Variants in THSD4 observed in about 807,000 individuals in gnomAD.
The protein encoded by THSD4 is thrombospondin type-1 domain-containing protein 4.
In THSD4, 69 loss-of-function variants were observed where a neutral mutation model predicts 119.0. That is an observed-to-expected ratio of 0.58 (90% CI 0.48 to 0.71). The LOEUF (loss-of-function observed/expected upper bound fraction) is 0.71, where lower values mean the gene tolerates loss of function less well. THSD4 is among the 30% of genes least tolerant of loss of function. THSD4 has a pLI of 0.00. For synonymous variants in THSD4, 524 were observed against 540.4 expected (o/e 0.97, Z 0.42); for missense variants, 1,393 against 1,391.1 (o/e 1.00, Z -0.02).
intron 7 of THSD4, among the ~76,000 whole-genome samples, chr15:71,423,356 C>T (rs555359937): frequency 7.2e-5 from 11 of 152,248 alleles, no homozygotes; most frequent in African/African-American, 2.6e-4. Flanking sequence ...ACATGTACTA[C>T]CTGGTTACTG....
intron 6 of THSD4, among the ~76,000 whole-genome samples, chr15:71,404,580 G>T (rs2046579623): frequency 6.6e-6 from 1 of 152,146 alleles, no homozygotes; most frequent in South Asian, 2.1e-4. Context: ...AAATTCAAAT[G>T]CTGGAACCTA....
chr15:71,565,726 A>C (rs915502957), intron 7 of THSD4, among the ~76,000 whole-genome samples: 1 of 152,172 alleles, frequency 6.6e-6, no homozygotes, highest in Non-Finnish European at 1.5e-5. Flanking sequence ...GGAAGGATTA[A>C]CAGGCAGATT....
rs2045257854 is a variant in THSD4 at position 71,320,886 on chromosome 15, C to T, written c.1015+64171C>T. 2.0e-5 allele frequency among the ~76,000 whole-genome samples: 3 copies of T among 152,022 alleles called. 1 individual carries two copies. In the South Asian group the frequency reaches 6.2e-4, roughly 32 times the overall value. ...AAATTGAGCTAGTCTTCAATTGTGT[C>T]TAGCTAGGATTTAATAACATGGTTT... On this transcript the variant is annotated intron_variant, in intron 6 of 17. Coordinates refer to ENST00000261862, the MANE Select transcript of THSD4 (RefSeq NM_024817.3).
At chr15:71,390,788 A>G (rs1168785654) in intron 6 of THSD4, among the ~76,000 whole-genome samples, 4 of 151,948 alleles carry the variant, frequency 2.6e-5, no homozygotes, top group African/African-American at 9.7e-5. Flanking sequence ...TTGGGCTTTC[A>G]AAGAAAATTT....
At chr15:71,669,214 T>C (rs1038259298) in intron 8 of THSD4, among the ~76,000 whole-genome samples, 3 of 152,232 alleles carry the variant, frequency 2.0e-5, no homozygotes, top group African/African-American at 7.2e-5. Flanking sequence ...TATTTGCATT[T>C]TCCTGACCAC....
intron 6 of THSD4, among the ~76,000 whole-genome samples, chr15:71,374,085 G>A (rs1235950081): frequency 6.6e-6 from 1 of 152,200 alleles, no homozygotes; most frequent in Non-Finnish European, 1.5e-5. Flanking sequence ...TGGAACAGCT[G>A]AGCATGGGCT....
At chr15:71,503,509 A>G (rs1022418825) in intron 7 of THSD4, among the ~76,000 whole-genome samples, 2 of 152,110 alleles carry the variant, frequency 1.3e-5, no homozygotes, top group Admixed American at 6.5e-5. Flanking sequence ...TTCCCAGCCC[A>G]CCCTTTAGGA....
At chr15:71,647,239 G>T (rs1470424810) in intron 7 of THSD4, among the ~76,000 whole-genome samples, 4 of 152,234 alleles carry the variant, frequency 2.6e-5, no homozygotes, top group African/African-American at 9.6e-5. Flanking sequence ...TGGAAGCCAT[G>T]TGTGGGCAGC....
chr15:71,588,005 A>G (rs1372701071), intron 7 of THSD4, among the ~76,000 whole-genome samples: 1 of 149,516 alleles, frequency 6.7e-6, no homozygotes, highest in Non-Finnish European at 1.5e-5. Flanking sequence ...CAAGAATCTC[A>G]TTGTCAAGAA....
Position 71,215,157 on chromosome 15 carries a change from G to A in THSD4, c.222G>A (p.Met74Ile). The part of the protein sequence containing the change: ...ACSRSCSGGV[M>I]EQTRPCLPRS... ...CGCGTAGCTGCAGCGGCGGCGTGATGGAGCAGACGCGGCCCTGCCTGCCCC... is the reference window on the plus strand; with the variant it reads ...CGCGTAGCTGCAGCGGCGGCGTGATAGAGCAGACGCGGCCCTGCCTGCCCC... The change falls in exon 4 of 18, where the codon ATG becomes ATA. Residue 74 changes from methionine to isoleucine, a missense_variant. Physicochemically the swap from Met to Ile is conservative, Grantham distance 10. Coordinates refer to ENST00000261862, the MANE Select transcript of THSD4 (RefSeq NM_024817.3). 1 of 1,371,582 alleles carries A rather than the reference G, an allele frequency of 7.3e-7. No individual in the cohort carries two copies. Among genetic ancestry groups the A allele is most frequent in the Non-Finnish European group, 9.4e-7 (1 of 1,059,958 alleles). 85.0% of individuals were successfully genotyped at this position (1,371,582 alleles called of 1,614,324 possible).
intron 7 of THSD4, among the ~76,000 whole-genome samples, chr15:71,628,863 G>A (rs543033613): frequency 7.9e-5 from 12 of 152,246 alleles, no homozygotes; most frequent in South Asian, 2.1e-4. Flanking sequence ...AGGCATCCCC[G>A]GGAAACAGGC....
intron 3 of THSD4, among the ~76,000 whole-genome samples, chr15:71,173,607 G>T: frequency 6.7e-6 from 1 of 148,404 alleles, no homozygotes; most frequent in Non-Finnish European, 1.5e-5. Context: ...TATATATATG[G>T]ACAATTGATT....
At chr15:71,759,900 G>A (rs1344797622) in intron 15 of THSD4, among the ~76,000 whole-genome samples, 1 of 152,076 alleles carries the variant, frequency 6.6e-6, no homozygotes, top group East Asian at 1.9e-4. Flanking sequence ...TGTCCAAAAG[G>A]GTCAAGATAC....
intron 7 of THSD4, among the ~76,000 whole-genome samples, chr15:71,556,916 C>A (rs1595882952): frequency 6.6e-6 from 1 of 151,970 alleles, no homozygotes; most frequent in Admixed American, 6.5e-5. Flanking sequence ...TTTCCTTTTC[C>A]AAATTCTTGT....
chr15:71,486,327 TGGGACCTTGGGAAA>T (rs2140682261), intron 7 of THSD4, among the ~76,000 whole-genome samples: 1 of 152,328 alleles, frequency 6.6e-6, no homozygotes, highest in East Asian at 1.9e-4. Context: ...GTTCCACTTG[TGGGACCTTGGGAAA>T]GTGAAATTTT....
chr15:71,519,262 T>C (rs993937744), intron 7 of THSD4, among the ~76,000 whole-genome samples: 1 of 152,098 alleles, frequency 6.6e-6, no homozygotes, highest in African/African-American at 2.4e-5. Flanking sequence ...TGAGTGACAA[T>C]ATAAGGTCAG....
intron 4 of THSD4, among the ~76,000 whole-genome samples, chr15:71,220,053 ATCT>A (rs1181854275): frequency 6.6e-6 from 1 of 152,022 alleles, no homozygotes; most frequent in African/African-American, 2.4e-5. Context: ...AACCAGGGTA[ATCT>A]TCTTTGCATC....
chr15:71,404,218 C>T (rs1288118375), intron 6 of THSD4, among the ~76,000 whole-genome samples: 1 of 152,144 alleles, frequency 6.6e-6, no homozygotes, highest in Non-Finnish European at 1.5e-5. Context: ...AAGAAGGAAG[C>T]TGATACCTAT....
intron 8 of THSD4, among the ~76,000 whole-genome samples, chr15:71,674,115 T>A (rs1001364542): frequency 6.6e-5 from 10 of 152,250 alleles, no homozygotes; most frequent in African/African-American, 1.9e-4. Flanking sequence ...GAATGGTTTC[T>A]CTAGGGGTAT....
Sources: gnomAD v4.1 joint callset for allele counts (sites outside exome capture counted in the v4.1 genomes callset) on GRCh38, gnomAD v4.1.1 for gene constraint, MANE v1.5 for transcripts, NCBI Gene and HGNC (gene_info 2026-07-23, HGNC 2026-07-21) for gene names.